The following COL24A1 variants were observed in gnomAD, a reference collection of about 807,000 sequenced individuals.
COL24A1 encodes the protein collagen alpha-1(XXIV) chain.
In COL24A1, 224 loss-of-function variants were observed where a neutral mutation model predicts 253.9. The observed-to-expected ratio is 0.88, with a 90% CI of 0.79 to 0.99. The LOEUF (loss-of-function observed/expected upper bound fraction) is 0.99. COL24A1 is among the 50% of genes least tolerant of loss of function. The pLI is 0.00. For missense variants in COL24A1, 2,131 were observed against 2,068.5 expected, an observed-to-expected ratio of 1.03 and a Z score of -0.59; for synonymous variants, 685 against 673.7, an observed-to-expected ratio of 1.02 and a Z score of -0.26.
At chr1:85,736,153 T>C in intron 58 of COL24A1, 1 of 356,126 alleles carries the variant, frequency 2.8e-6, no homozygotes, top group Non-Finnish European at 5.5e-6. Flanking sequence ...TACCTAGCAT[T>C]GTTCCTGGCA....
chr1:85,997,366 A>C (rs2101021667), intron 19 of COL24A1, among the ~76,000 whole-genome samples: 1 of 152,192 alleles, frequency 6.6e-6, no homozygotes, highest in Admixed American at 6.5e-5. Context: ...TCTTTGGGGA[A>C]ACATTATTCC....
intron 24 of COL24A1, among the ~76,000 whole-genome samples, chr1:85,939,246 G>A (rs1270940161): frequency 6.6e-6 from 1 of 152,018 alleles, no homozygotes; most frequent in Non-Finnish European, 1.5e-5. Flanking sequence ...CAAAATCTGT[G>A]GTTATGGAAA....
At chr1:85,738,729 A>T (rs982303179) in intron 57 of COL24A1, among the ~76,000 whole-genome samples, 1 of 152,186 alleles carries the variant, frequency 6.6e-6, no homozygotes, top group Non-Finnish European at 1.5e-5. Context: ...CATAGCAAAG[A>T]TTCCTCTAGC....
At chr1:86,021,792 T>C (rs541936) in intron 18 of COL24A1, among the ~76,000 whole-genome samples, 52,582 of 151,760 alleles carry the variant, frequency 0.35, 9,866 homozygotes, top group Middle Eastern at 0.52. Flanking sequence ...TTCGTCTAAT[T>C]GATGTCCAAG....
intron 6 of COL24A1, among the ~76,000 whole-genome samples, chr1:86,089,971 G>A (rs1444222558): frequency 6.6e-6 from 1 of 152,188 alleles, no homozygotes; most frequent in African/African-American, 2.4e-5. Flanking sequence ...CACGGGCTGT[G>A]GTGGGACCAG....
At chr1:85,874,594 G>A (rs1273965086) in intron 35 of COL24A1, 55 bp downstream of exon 35, 18 of 1,485,948 alleles carry the variant, frequency 1.2e-5, no homozygotes, top group Non-Finnish European at 1.6e-5. Flanking sequence ...AATAAGTTTT[G>A]AGCCTCTGAA....
chr1:86,003,215 A>G (rs917627807), intron 19 of COL24A1, among the ~76,000 whole-genome samples: 2 of 152,188 alleles, frequency 1.3e-5, no homozygotes, highest in Non-Finnish European at 2.9e-5. Flanking sequence ...TGGTAAAGGA[A>G]GGACACTTGA....
intron 1 of COL24A1, among the ~76,000 whole-genome samples, chr1:86,148,995 A>ATCC (rs1484240089): frequency 6.6e-6 from 1 of 152,088 alleles, no homozygotes. Context: ...ATTTCTCCAC[A>ATCC]TCCTCTCCAG....
intron 43 of COL24A1, among the ~76,000 whole-genome samples, chr1:85,835,873 G>A (rs72952531): frequency 0.056 from 8,504 of 152,088 alleles, 680 homozygotes; most frequent in African/African-American, 0.18. Flanking sequence ...ATGGCATCTC[G>A]GAATATTGAA....
chr1:85,871,809 A>C (rs1382847422), intron 35 of COL24A1, among the ~76,000 whole-genome samples: 3 of 152,194 alleles, frequency 2.0e-5, no homozygotes, highest in Non-Finnish European at 4.4e-5. Flanking sequence ...GCCCTCTCTC[A>C]CCACTCCTGT....
intron 2 of COL24A1, among the ~76,000 whole-genome samples, chr1:86,130,494 T>C (rs1422666305): frequency 1.3e-5 from 2 of 151,912 alleles, no homozygotes; most frequent in Non-Finnish European, 2.9e-5. Context: ...ATTTTTATTC[T>C]AAGGGTTTCC....
chr1:86,018,800 A>T (rs954863524), intron 18 of COL24A1, among the ~76,000 whole-genome samples: 2 of 152,160 alleles, frequency 1.3e-5, no homozygotes, highest in African/African-American at 4.8e-5. Flanking sequence ...GGGCATAACA[A>T]TTGTGTTTGT....
intron 1 of COL24A1, among the ~76,000 whole-genome samples, chr1:86,152,241 ACAGGTTGAG>A (rs1279612945): frequency 1.3e-5 from 2 of 152,272 alleles, no homozygotes; most frequent in Admixed American, 6.5e-5. Context: ...GAAGCATACT[ACAGGTTGAG>A]CACCCCCAAT....
intron 5 of COL24A1, among the ~76,000 whole-genome samples, 191 bp from the exon 6 acceptor site, chr1:86,092,511 G>T (rs1703575553): frequency 6.6e-6 from 1 of 151,776 alleles, no homozygotes; most frequent in Non-Finnish European, 1.5e-5. Flanking sequence ...TAAATGATGA[G>T]AAGATTCCTA....
intron 24 of COL24A1, among the ~76,000 whole-genome samples, chr1:85,925,448 C>A (rs1270682411): frequency 1.3e-5 from 2 of 152,152 alleles, no homozygotes; most frequent in South Asian, 2.1e-4. Flanking sequence ...GTAACCAAAA[C>A]AGCATGGTAC....
intron 32 of COL24A1, among the ~76,000 whole-genome samples, chr1:85,888,602 C>A (rs992088606): frequency 6.6e-5 from 10 of 151,864 alleles, no homozygotes; most frequent in African/African-American, 2.4e-4. Context: ...ATTGAAATGG[C>A]AGGTTAAGAT....
intron 43 of COL24A1, among the ~76,000 whole-genome samples, chr1:85,824,734 T>C (rs1006519391): frequency 2.6e-5 from 4 of 152,150 alleles, no homozygotes; most frequent in East Asian, 3.9e-4. Context: ...ATGAGAGTTA[T>C]GCAGGAATAA....
intron 3 of COL24A1, among the ~76,000 whole-genome samples, chr1:86,122,129 A>G (rs976159619): frequency 6.6e-6 from 1 of 152,094 alleles, no homozygotes; most frequent in African/African-American, 2.4e-5. Context: ...TAGGATTCTC[A>G]AAGTTCAACA....
intron 57 of COL24A1, among the ~76,000 whole-genome samples, chr1:85,739,141 A>C (rs1664350959): frequency 6.6e-6 from 1 of 152,216 alleles, no homozygotes. Context: ...TGAATTTTTC[A>C]TCAGAATCTG....
Sources: gnomAD v4.1 joint callset for allele counts (sites outside exome capture counted in the v4.1 genomes callset) on GRCh38, gnomAD v4.1.1 for gene constraint, MANE v1.5 for transcripts, NCBI Gene and HGNC (gene_info 2026-07-23, HGNC 2026-07-21) for gene names.